Variants in DOP1B observed in about 807,000 individuals in gnomAD.
DOP1B encodes the protein protein DOP1B.
A neutral mutation model predicts 233.5 loss-of-function variants in DOP1B; 174 were observed. That is an observed-to-expected ratio of 0.75 (90% confidence interval 0.66 to 0.85). The LOEUF is 0.85. Among genes scored for constraint, DOP1B ranks in the 40% least tolerant of loss-of-function variants. The probability of loss-of-function intolerance (pLI) is 0.00; values close to 1 mark genes in which losing one functional copy is unlikely to be tolerated. For synonymous variants in DOP1B, 1,190 were observed against 1,185.6 expected, an observed-to-expected ratio of 1.00 and a Z score of -0.08; for missense variants, 2,652 against 2,846.6, an observed-to-expected ratio of 0.93 and a Z score of 1.56.
At chr21:36,161,937 TG>T (rs1324708732) in intron 1 of DOP1B, among the ~76,000 whole-genome samples, 1 of 152,260 alleles carries the variant, frequency 6.6e-6, no homozygotes, top group Non-Finnish European at 1.5e-5. Flanking sequence ...TATCAGTATT[TG>T]GTTCCTTTCC....
intron 14 of DOP1B, among the ~76,000 whole-genome samples, chr21:36,231,824 C>T (rs574789031): frequency 3.3e-5 from 5 of 149,510 alleles, no homozygotes; most frequent in South Asian, 2.1e-4. Flanking sequence ...ACTACAGGCA[C>T]GTGCCACTAC....
intron 16 of DOP1B, among the ~76,000 whole-genome samples, chr21:36,238,260 G>A (rs78991987): frequency 0.012 from 1,859 of 152,320 alleles, 22 homozygotes; most frequent in Middle Eastern, 0.02. Context: ...TTTCCAGTCT[G>A]TTGTGTCTCC....
At chr21:36,284,178 G>A (rs2067453274) in intron 32 of DOP1B, among the ~76,000 whole-genome samples, 1 of 150,962 alleles carries the variant, frequency 6.6e-6, no homozygotes, top group African/African-American at 2.4e-5. Flanking sequence ...TCAAACTCCT[G>A]ACCTCAAGTG....
At chr21:36,161,726 T>C (rs1354352183) in intron 1 of DOP1B, among the ~76,000 whole-genome samples, 1 of 152,182 alleles carries the variant, frequency 6.6e-6, no homozygotes, top group Non-Finnish European at 1.5e-5. Context: ...CACGTTTGCC[T>C]TACCTGAGAA....
chr21:36,187,203 T>TC (rs1194318781), intron 2 of DOP1B, among the ~76,000 whole-genome samples: 13 of 138,292 alleles, frequency 9.4e-5, no homozygotes, highest in East Asian at 7.2e-4. Flanking sequence ...TCCCCTCCCC[T>TC]CCCTTCCCCT....
At chr21:36,226,249 A>G (rs1190396349) in intron 12 of DOP1B, among the ~76,000 whole-genome samples, 1 of 152,128 alleles carries the variant, frequency 6.6e-6, no homozygotes, top group African/African-American at 2.4e-5. Flanking sequence ...TCCAGTCTCA[A>G]ACAAAAACAA....
chr21:36,257,716 A>G (rs542536120), intron 23 of DOP1B, among the ~76,000 whole-genome samples: 51 of 152,010 alleles, frequency 3.4e-4, no homozygotes, highest in African/African-American at 8.7e-4. Context: ...GGATGTAGGT[A>G]GGTAGGTAGG....
chr21:36,227,740 G>GT lies in DOP1B; in HGVS notation c.1529dup (p.Gln511AlafsTer5). 6.2e-7 allele frequency: 1 copy of GT among 1,611,000 alleles called. No individual in the cohort carries two copies. The highest frequency in any genetic ancestry group is 8.5e-7 in the Non-Finnish European group (1 of 1,177,834). ...TCTCCCTCAGGTGCTCGGCTGCCTG[G>GT]TGCAGCCTCTTGCTGAGGACATGGA... On this transcript the variant is annotated frameshift_variant, in exon 13 of 37. Coordinates refer to ENST00000691173, the MANE Select transcript of DOP1B (RefSeq NM_001320714.2). LOFTEE classifies it high-confidence loss of function.
At chr21:36,172,035 C>T (rs1316779439) in intron 2 of DOP1B, among the ~76,000 whole-genome samples, 2 of 152,096 alleles carry the variant, frequency 1.3e-5, no homozygotes. Flanking sequence ...ACAGCGTGAC[C>T]TTAAAGCAGA....
In DOP1B at chr21:36,238,595, A is replaced by AC; in HGVS notation, c.2776-6_2776-5insC. ...GTTCCTCACTCCCATGTATCTCCTC[A>AC]TCAAGGGAACAAGGCTGGAAGCTCT... On this transcript the variant is annotated splice_polypyrimidine_tract_variant and splice_region_variant and intron_variant, in intron 16 of 36. Transcript: ENST00000691173. 1 of 1,613,968 alleles carries AC rather than the reference A, an allele frequency of 6.2e-7. No individual in the cohort carries two copies. The highest frequency in any genetic ancestry group is 8.5e-7 in the Non-Finnish European group (1 of 1,179,822).
Position 36,288,164 on chromosome 21 carries a change from T to A in DOP1B, c.6297+14T>A. On this transcript the variant is annotated intron_variant, in intron 33 of 36. Coordinates refer to ENST00000691173, the MANE Select transcript of DOP1B (RefSeq NM_001320714.2). ...GTCTCTGAATTGGTGAGTACAAGTA[T>A]TGTAAGTTTGAAAGCAAGGTTGGAG... 6.3e-7 allele frequency: 1 copy of A among 1,598,802 alleles called. No individual in the cohort carries two copies. The highest frequency in any genetic ancestry group is 8.5e-7 in the Non-Finnish European group (1 of 1,174,936).
chr21:36,169,456 G>T, intron 2 of DOP1B: 1 of 1,081,914 alleles, frequency 9.2e-7, no homozygotes, highest in Admixed American at 1.7e-5. Context: ...GGTGGGTCTT[G>T]TGGGGCAGCT....
At chr21:36,177,753 CT>C (rs1035374272) in intron 2 of DOP1B, among the ~76,000 whole-genome samples, 20 of 152,222 alleles carry the variant, frequency 1.3e-4, no homozygotes, top group African/African-American at 4.8e-4. Context: ...TCCCACACCA[CT>C]TCGGGACTCT....
In DOP1B at chr21:36,270,134, C is replaced by T. The variant is rs762558134; in HGVS notation, c.5609C>T (p.Ser1870Phe). Residue 1870 changes from serine (S) to phenylalanine (F), a missense_variant, in exon 27 of 37, where the codon TCT becomes TTT. Physicochemically the swap from Ser to Phe is radical, Grantham distance 155. This residue lies in a region of DOP1B where 2,617 missense variants were observed against 2,794.3 expected (regional missense o/e 0.94). Coordinates refer to ENST00000691173, the MANE Select transcript of DOP1B (RefSeq NM_001320714.2). Reference protein sequence around the residue: ...KAQPQASLEESDAEEDLYDAA... With the variant: ...KAQPQASLEEFDAEEDLYDAA... Reference sequence around the variant, plus strand: ...CAACCTCAGGCCTCTCTAGAAGAATCTGATGCTGAGGAGGACCTGTATGGT... The same window carrying T: ...CAACCTCAGGCCTCTCTAGAAGAATTTGATGCTGAGGAGGACCTGTATGGT... 5.0e-6 allele frequency: 8 copies of T among 1,614,096 alleles called. No individual in the cohort carries two copies. Among genetic ancestry groups the T allele is most frequent in the Non-Finnish European group, 6.8e-6 (8 of 1,180,018 alleles).
At chr21:36,253,437 G>A (rs896736268) in intron 22 of DOP1B, among the ~76,000 whole-genome samples, 7 of 152,156 alleles carry the variant, frequency 4.6e-5, no homozygotes, top group East Asian at 1.9e-4. Context: ...CAGGCCGGGC[G>A]CGGTGGCGGC....
intron 26 of DOP1B, among the ~76,000 whole-genome samples, chr21:36,267,924 C>A (rs2067249250): frequency 6.6e-6 from 1 of 151,996 alleles, no homozygotes; most frequent in Non-Finnish European, 1.5e-5. Flanking sequence ...GGGCAAAAAG[C>A]AGAACTAATA....
At chr21:36,266,215 T>C (rs766297604) in intron 26 of DOP1B, among the ~76,000 whole-genome samples, 3 of 152,198 alleles carry the variant, frequency 2.0e-5, no homozygotes, top group Non-Finnish European at 4.4e-5. Context: ...TTGCTCTTGT[T>C]GCCCAAGCTG....
intron 5 of DOP1B, among the ~76,000 whole-genome samples, chr21:36,210,692 A>T (rs2066486296): frequency 6.6e-6 from 1 of 151,724 alleles, no homozygotes; most frequent in Non-Finnish European, 1.5e-5. Context: ...GGCACCTATA[A>T]TCCCAGCTAC....
intron 9 of DOP1B, among the ~76,000 whole-genome samples, chr21:36,216,793 C>T (rs1291693708): frequency 1.3e-5 from 2 of 151,488 alleles, no homozygotes; most frequent in Non-Finnish European, 2.9e-5. Context: ...GAGCTGAGGG[C>T]TGGCCGGGTG....
Sources: allele counts gnomAD v4.1 joint callset (sites outside exome capture counted in the v4.1 genomes callset), GRCh38; gene constraint gnomAD v4.1.1; regional missense constraint gnomAD v4.1.1; transcripts MANE v1.5; gene names NCBI Gene and HGNC (gene_info 2026-07-23, HGNC 2026-07-21).